Variants in NKAIN2 observed in about 807,000 individuals in gnomAD.
NKAIN2 encodes the protein sodium/potassium transporting ATPase interacting 2.
Under a neutral mutation model 32.6 loss-of-function variants are expected in NKAIN2, and 14 were observed. That is an observed-to-expected ratio of 0.43 (90% CI 0.28 to 0.67). NKAIN2 has a LOEUF of 0.67. Among genes scored for constraint, NKAIN2 ranks in the 30% least tolerant of loss-of-function variants. NKAIN2 has a pLI of 0.17. For synonymous variants in NKAIN2, 80 were observed against 87.2 expected (o/e 0.92, Z 0.46); for missense variants, 198 against 258.3 (o/e 0.77, Z 1.60).
At chr6:124,467,914 TA>T (rs1456910223) in intron 3 of NKAIN2, among the ~76,000 whole-genome samples, 1 of 152,118 alleles carries the variant, frequency 6.6e-6, no homozygotes, top group African/African-American at 2.4e-5. Flanking sequence ...TGGCCTTAGA[TA>T]AATTATTTAA....
chr6:123,871,504 C>A (rs979758871), intron 1 of NKAIN2, among the ~76,000 whole-genome samples: 1 of 152,146 alleles, frequency 6.6e-6, no homozygotes, highest in Admixed American at 6.5e-5. Context: ...TGCCTCCTCC[C>A]CCCAGTTGAA....
At chr6:124,769,649 T>C (rs1778664205) in intron 4 of NKAIN2, among the ~76,000 whole-genome samples, 1 of 152,222 alleles carries the variant, frequency 6.6e-6, no homozygotes, top group Non-Finnish European at 1.5e-5. Flanking sequence ...CTCCTTCATT[T>C]TACTGATTCC....
intron 1 of NKAIN2, among the ~76,000 whole-genome samples, chr6:124,098,476 T>A (rs73563164): frequency 0.028 from 4,332 of 152,274 alleles, 202 homozygotes; most frequent in African/African-American, 0.097. Flanking sequence ...ATACATTTCA[T>A]TGGTTTCACA....
At chr6:124,028,777 A>C (rs1440033840) in intron 1 of NKAIN2, among the ~76,000 whole-genome samples, 1 of 147,242 alleles carries the variant, frequency 6.8e-6, no homozygotes, top group South Asian at 2.1e-4. Context: ...GTGTATATAC[A>C]TATATACGCA....
rs3831017 is a variant in NKAIN2, at chr6:124,823,379, G to GACAC, written c.*167_*170dup. On this transcript the variant is annotated 3_prime_UTR_variant, in exon 7 of 7. Coordinates refer to ENST00000368417, the MANE Select transcript of NKAIN2 (RefSeq NM_001040214.3). Reference sequence around the variant, plus strand: ...ATGCAAAGCCTCTACATACAACACTGACACACACACACACACACACGTGAG... The same window carrying GACAC: ...ATGCAAAGCCTCTACATACAACACTGACACACACACACACACACACACACGTGAG... 10 of 587,118 alleles carry GACAC rather than the reference G, an allele frequency of 1.7e-5. No individual in the cohort carries two copies. The highest frequency in any genetic ancestry group is 1.1e-4 in the East Asian group (4 of 35,522). 36.4% of individuals were successfully genotyped at this position (587,118 alleles called of 1,614,324 possible).
At chr6:124,711,743 A>T (rs1775473975) in intron 4 of NKAIN2, among the ~76,000 whole-genome samples, 1 of 151,764 alleles carries the variant, frequency 6.6e-6, no homozygotes, top group African/African-American at 2.4e-5. Context: ...AAAGTTTTCG[A>T]CTTATTTGCC....
At chr6:124,810,894 A>C (rs2326102) in intron 5 of NKAIN2, among the ~76,000 whole-genome samples, 3,147 of 151,176 alleles carry the variant, frequency 0.021, 96 homozygotes, top group East Asian at 0.15. Context: ...TCTTCCTATA[A>C]AGGATTGCAT....
rs916114628 is a variant in NKAIN2 at position 124,650,889 on chromosome 6, A to C, written c.274-7297A>C. ...ACCAACTCAAAAGTCCAAAGTCAAG[A>C]GATTCATCTAAATCAGATATGGATG... On this transcript the variant is annotated intron_variant, in intron 3 of 6. Transcript: ENST00000368417. Among the ~76,000 whole-genome samples, 5 of 152,326 alleles carry C rather than the reference A, an allele frequency of 3.3e-5. No homozygotes were observed. In the South Asian group the frequency reaches 6.2e-4, roughly 19 times the overall value.
intron 1 of NKAIN2, among the ~76,000 whole-genome samples, chr6:123,958,820 T>C (rs1777714641): frequency 6.6e-6 from 1 of 152,216 alleles, no homozygotes; most frequent in Non-Finnish European, 1.5e-5. Context: ...CCAATAAACA[T>C]TTGTTTAACA....
chr6:124,023,514 C>T (rs1780967245), intron 1 of NKAIN2, among the ~76,000 whole-genome samples: 1 of 151,974 alleles, frequency 6.6e-6, no homozygotes, highest in African/African-American at 2.4e-5. Flanking sequence ...GAAAGCCTAC[C>T]TTTGTTCATT....
chr6:124,465,936 A>G (rs957961391), intron 3 of NKAIN2, among the ~76,000 whole-genome samples: 2 of 152,192 alleles, frequency 1.3e-5, no homozygotes, highest in African/African-American at 4.8e-5. Context: ...GTTTGCTAAA[A>G]ATAAAAATAT....
intron 2 of NKAIN2, among the ~76,000 whole-genome samples, chr6:124,327,429 T>A (rs1797465352): frequency 6.6e-6 from 1 of 152,124 alleles, no homozygotes; most frequent in Non-Finnish European, 1.5e-5. Flanking sequence ...AATAATCATA[T>A]AATCTATAAA....
In NKAIN2 at chr6:124,305,055, T is replaced by TA. The variant is rs1796454153; in HGVS notation, c.192+21920dup. 3.3e-5 allele frequency among the ~76,000 whole-genome samples: 5 copies of TA among 152,244 alleles called. 1 individual carries two copies. Among genetic ancestry groups the TA allele is most frequent in the African/African-American group, 1.2e-4 (5 of 41,546 alleles). On this transcript the variant is annotated intron_variant, in intron 2 of 6. Coordinates refer to ENST00000368417, the MANE Select transcript of NKAIN2 (RefSeq NM_001040214.3). ...ATGATGAAGGATTTTGGTACACATT[T>TA]AAAAAAATTAGCTACGAAAGAATGA...
chr6:124,542,943 A>G (rs551918372), intron 3 of NKAIN2, among the ~76,000 whole-genome samples: 102 of 152,340 alleles, frequency 6.7e-4, no homozygotes, highest in Admixed American at 2.9e-3. Context: ...ATTTTGATGA[A>G]TAGATAGTCT....
intron 3 of NKAIN2, among the ~76,000 whole-genome samples, chr6:124,578,247 G>A (rs534709423): frequency 1.3e-5 from 2 of 152,188 alleles, no homozygotes; most frequent in East Asian, 3.9e-4. Flanking sequence ...GTTAGGTAGA[G>A]TACCAAGCAG....
At chr6:124,687,433 C>CATAT (rs1773997459) in intron 4 of NKAIN2, among the ~76,000 whole-genome samples, 1 of 2,110 alleles carries the variant, frequency 4.7e-4, no homozygotes, top group African/African-American at 2.1e-3. Context: ...CCATGTATAC[C>CATAT]ATATACATAC....
At chr6:124,441,231 A>T (rs1411587646) in intron 3 of NKAIN2, among the ~76,000 whole-genome samples, 1 of 152,048 alleles carries the variant, frequency 6.6e-6, no homozygotes, top group Non-Finnish European at 1.5e-5. Flanking sequence ...AAACACTGTA[A>T]ATCTCTAGAC....
intron 4 of NKAIN2, among the ~76,000 whole-genome samples, chr6:124,790,044 C>T (rs1779675041): frequency 6.6e-6 from 1 of 152,004 alleles, no homozygotes; most frequent in South Asian, 2.1e-4. Context: ...AACTCTGCCT[C>T]CCCAGTGTGG....
rs536420599 is a variant in NKAIN2, at chr6:124,432,569, C to CT, written c.273+77223dup. On this transcript the variant is annotated intron_variant, in intron 3 of 6. Transcript: ENST00000368417. Reference sequence around the variant, plus strand: ...GCTACAGTGAACCGTGATTGTGTCACTGCACTCCAGCCTGGGCAGCAGAGC... The same window carrying CT: ...GCTACAGTGAACCGTGATTGTGTCACTTGCACTCCAGCCTGGGCAGCAGAGC... 3.3e-3 allele frequency among the ~76,000 whole-genome samples: 497 copies of CT among 152,210 alleles called. 3 individuals carry two copies. The highest frequency in any genetic ancestry group is 5.5e-3 in the Non-Finnish European group (371 of 68,006).
Sources: allele counts gnomAD v4.1 joint callset (sites outside exome capture counted in the v4.1 genomes callset), GRCh38; gene constraint gnomAD v4.1.1; transcripts MANE v1.5; gene names NCBI Gene and HGNC (gene_info 2026-07-23, HGNC 2026-07-21).